CDH13: variants seen among roughly 807,000 people sequenced by gnomAD.
The protein encoded by CDH13 is cadherin 13.
CDH13 carries 24 observed loss-of-function variants against 63.8 expected under a neutral mutation model. That is an observed-to-expected ratio of 0.38 (90% CI 0.27 to 0.53). The LOEUF (loss-of-function observed/expected upper bound fraction) is 0.53, where lower values mean the gene tolerates loss of function less well. Ranked by LOEUF, CDH13 falls within the 20% of genes least tolerant of loss-of-function variation. The probability of loss-of-function intolerance (pLI) is 0.85; values close to 1 mark genes in which losing one functional copy is unlikely to be tolerated. For missense variants in CDH13, 1,049 were observed against 903.1 expected (o/e 1.16, Z -2.07); for synonymous variants, 503 against 355.3 (o/e 1.42, Z -4.67).
At chr16:83,613,442 C>G (rs1444621372) in intron 8 of CDH13, among the ~76,000 whole-genome samples, 1 of 152,162 alleles carries the variant, frequency 6.6e-6, no homozygotes, top group African/African-American at 2.4e-5. Context: ...TACACACACA[C>G]ATAAATATAT....
At chr16:83,427,076 G>A (rs559398817) in intron 6 of CDH13, among the ~76,000 whole-genome samples, 2 of 151,546 alleles carry the variant, frequency 1.3e-5, no homozygotes, top group Admixed American at 6.6e-5. Flanking sequence ...ACAGGCGCCC[G>A]CCACCCCGCC....
chr16:82,874,178 A>G (rs1186544746), intron 2 of CDH13, among the ~76,000 whole-genome samples: 4 of 152,204 alleles, frequency 2.6e-5, no homozygotes, highest in Non-Finnish European at 5.9e-5. Flanking sequence ...AAGGACCACA[A>G]ATAACATCAT....
chr16:83,256,404 T>G (rs562539214), intron 5 of CDH13, among the ~76,000 whole-genome samples: 2 of 152,228 alleles, frequency 1.3e-5, no homozygotes, highest in African/African-American at 4.8e-5. Context: ...GGACCCAACC[T>G]TGTCTTCATT....
chr16:83,029,032 C>T (rs1289943250), intron 2 of CDH13, among the ~76,000 whole-genome samples: 1 of 152,166 alleles, frequency 6.6e-6, no homozygotes, highest in African/African-American at 2.4e-5. Flanking sequence ...TATCTAGAAA[C>T]TGTAGGAGAA....
intron 2 of CDH13, among the ~76,000 whole-genome samples, chr16:82,962,700 T>A (rs1290321469): frequency 6.6e-6 from 1 of 152,218 alleles, no homozygotes; most frequent in East Asian, 1.9e-4. Context: ...TGATGATTCT[T>A]CTGTCGACAT....
At chr16:82,874,759 A>G (rs1247479956) in intron 2 of CDH13, among the ~76,000 whole-genome samples, 2 of 152,210 alleles carry the variant, frequency 1.3e-5, no homozygotes, top group African/African-American at 4.8e-5. Flanking sequence ...GCATTTTTCC[A>G]TGGAAGGAAG....
At chr16:83,321,047 A>T (rs992307324) in intron 5 of CDH13, among the ~76,000 whole-genome samples, 2 of 152,266 alleles carry the variant, frequency 1.3e-5, no homozygotes, top group East Asian at 3.8e-4. Flanking sequence ...ACTGAAGGTT[A>T]ATGAAACATT....
In CDH13 at chr16:83,799,059, C is replaced by A. The variant is rs1323530673; in HGVS notation, c.*4029C>A. On this transcript the variant is annotated 3_prime_UTR_variant, in exon 14 of 14. Transcript: ENST00000567109. Reference sequence around the variant, plus strand: ...GGGCATGGTGACTCATGCCTGTAATCCCAGCCCTTTGGGAGGCAGAGGCGG... The same window carrying A: ...GGGCATGGTGACTCATGCCTGTAATACCAGCCCTTTGGGAGGCAGAGGCGG... 6.6e-6 allele frequency: 1 copy of A among 152,082 alleles called. No individual in the cohort carries two copies. 9.4% of individuals were successfully genotyped at this position (152,082 alleles called of 1,614,324 possible).
chr16:83,242,849 C>A (rs1433296998), intron 5 of CDH13, among the ~76,000 whole-genome samples: 2 of 152,192 alleles, frequency 1.3e-5, no homozygotes, highest in African/African-American at 2.4e-5. Flanking sequence ...TTTCTCACTT[C>A]CCCTGACTCA....
At chr16:82,857,468 A>T (rs947527424) in intron 1 of CDH13, among the ~76,000 whole-genome samples, 7 of 152,146 alleles carry the variant, frequency 4.6e-5, no homozygotes, top group Admixed American at 4.6e-4. Context: ...GCCTTTGCGT[A>T]CTAAACCTTA....
chr16:82,987,894 T>C (rs904009634), intron 2 of CDH13, among the ~76,000 whole-genome samples: 3 of 152,184 alleles, frequency 2.0e-5, no homozygotes, highest in African/African-American at 7.2e-5. Flanking sequence ...GTAACCTGGA[T>C]CTAGCACAGA....
At chr16:82,698,144 G>C (rs898154922) in intron 1 of CDH13, among the ~76,000 whole-genome samples, 37 of 152,348 alleles carry the variant, frequency 2.4e-4, no homozygotes, top group African/African-American at 8.9e-4. Context: ...GGAATACCAT[G>C]TTCAAAGTAT....
intron 7 of CDH13, among the ~76,000 whole-genome samples, chr16:83,511,112 G>GGA (rs2074550210): frequency 6.6e-6 from 1 of 150,990 alleles, no homozygotes; most frequent in South Asian, 2.1e-4. Flanking sequence ...ATGCACGCAT[G>GGA]CACACACATG....
intron 1 of CDH13, among the ~76,000 whole-genome samples, chr16:82,851,808 G>C (rs11150501): frequency 0.056 from 8,526 of 152,212 alleles, 319 homozygotes; most frequent in Non-Finnish European, 0.085. Context: ...GGAGGATAAA[G>C]AATTAATCAA....
At chr16:83,693,358 G>T (rs992281033) in intron 10 of CDH13, among the ~76,000 whole-genome samples, 2 of 152,180 alleles carry the variant, frequency 1.3e-5, no homozygotes, top group Non-Finnish European at 2.9e-5. Context: ...TAACTGATTC[G>T]CATTTTTAGC....
At chr16:83,411,705 C>T (rs1028929116) in intron 6 of CDH13, among the ~76,000 whole-genome samples, 6 of 152,114 alleles carry the variant, frequency 3.9e-5, no homozygotes, top group African/African-American at 1.4e-4. Context: ...GTCCCTAGTA[C>T]ACATTACAGT....
In CDH13 at chr16:83,146,206, A is replaced by AAAAAAAAG. The variant is rs1472391722; in HGVS notation, c.483+20709_483+20710insAAAGAAAA. Among the ~76,000 whole-genome samples the AAAAAAAAG allele has an allele frequency of 1.6e-3, 236 of 147,820 alleles. 3 individuals are homozygous for AAAAAAAAG. The highest frequency in any genetic ancestry group is 5.9e-3 in the African/African-American group (226 of 38,112). ...AAGACTCTGTCTCAAAAAAAAAAAAAAAAAGAAAAGAAAAGGAAGGAGGGA... is the reference window on the plus strand; with the variant it reads ...AAGACTCTGTCTCAAAAAAAAAAAAAAAAAAAAGAAAAGAAAAGAAAAGGAAGGAGGGA... On this transcript the variant is annotated intron_variant, in intron 4 of 13. Transcript: ENST00000567109.
At chr16:82,962,228 A>G (rs1027622657) in intron 2 of CDH13, among the ~76,000 whole-genome samples, 5 of 152,204 alleles carry the variant, frequency 3.3e-5, no homozygotes, top group African/African-American at 1.2e-4. Context: ...ACAGATACAC[A>G]GGGGAGAGGG....
chr16:83,449,391 G>C (rs893001239), intron 6 of CDH13, among the ~76,000 whole-genome samples: 1 of 152,168 alleles, frequency 6.6e-6, no homozygotes. Context: ...AAGGAGAAAC[G>C]GCTCCCTTAC....
Sources: allele counts gnomAD v4.1 joint callset (sites outside exome capture counted in the v4.1 genomes callset), GRCh38; gene constraint gnomAD v4.1.1; transcripts MANE v1.5; gene names NCBI Gene and HGNC (gene_info 2026-07-23, HGNC 2026-07-21).